PPM1L: variants seen among roughly 807,000 people sequenced by gnomAD.
The protein encoded by PPM1L is protein phosphatase, Mg2+/Mn2+ dependent 1L.
In PPM1L, 13 loss-of-function variants were observed where a neutral mutation model predicts 31.4. That is an observed-to-expected ratio of 0.41 (90% CI 0.27 to 0.66). The LOEUF (loss-of-function observed/expected upper bound fraction) is 0.66. Among genes scored for constraint, PPM1L ranks in the 30% least tolerant of loss-of-function variants. PPM1L has a pLI of 0.29. For missense variants in PPM1L, 326 were observed against 453.7 expected (o/e 0.72, Z 2.56); for synonymous variants, 184 against 175.4 (o/e 1.05, Z -0.39).
intron 1 of PPM1L, among the ~76,000 whole-genome samples, chr3:160,780,270 G>A (rs955888457): frequency 9.9e-5 from 15 of 152,124 alleles, no homozygotes; most frequent in Non-Finnish European, 2.2e-4. Flanking sequence ...CTTGATAAAT[G>A]ATCTCTAGAT....
At chr3:160,961,500 C>G (rs1288560047) in intron 1 of PPM1L, among the ~76,000 whole-genome samples, 2 of 152,206 alleles carry the variant, frequency 1.3e-5, no homozygotes, top group African/African-American at 2.4e-5. Flanking sequence ...CTAACCAAGT[C>G]TATCATCTTT....
chr3:161,040,069 G>T (rs891287278), intron 2 of PPM1L, among the ~76,000 whole-genome samples: 1 of 152,136 alleles, frequency 6.6e-6, no homozygotes, highest in African/African-American at 2.4e-5. Context: ...GAATGGGTTG[G>T]TTATTTCATT....
intron 2 of PPM1L, among the ~76,000 whole-genome samples, chr3:161,031,763 A>G (rs1342907262): frequency 6.6e-6 from 1 of 151,968 alleles, no homozygotes; most frequent in African/African-American, 2.4e-5. Flanking sequence ...CAGCCTCCCA[A>G]CGTGCTGGGA....
rs1338864466 is a variant in PPM1L at position 161,072,386 on chromosome 3, A to G, written c.*3229A>G. On this transcript the variant is annotated 3_prime_UTR_variant, in exon 4 of 4. Coordinates refer to ENST00000498165, the MANE Select transcript of PPM1L (RefSeq NM_139245.4). ...GAGGTATTGGCTTCTTGAATCTTGTATATGTCATAAGAATATTATACAGAG... is the reference window on the plus strand; with the variant it reads ...GAGGTATTGGCTTCTTGAATCTTGTGTATGTCATAAGAATATTATACAGAG... 2.0e-5 allele frequency: 3 copies of G among 152,332 alleles called. No homozygotes were observed. Among genetic ancestry groups the G allele is most frequent in the Non-Finnish European group, 4.4e-5 (3 of 68,044 alleles). 9.4% of individuals were successfully genotyped at this position (152,332 alleles called of 1,614,324 possible).
At chr3:161,065,666 A>G in intron 3 of PPM1L, 102 bp downstream of exon 3, 1 of 1,042,368 alleles carries the variant, frequency 9.6e-7, no homozygotes, top group Admixed American at 2.3e-5. Flanking sequence ...ATGCAGTATT[A>G]GAGAGGCTGC....
At chr3:160,789,314 C>T (rs111277133) in intron 1 of PPM1L, among the ~76,000 whole-genome samples, 2,600 of 151,820 alleles carry the variant, frequency 0.017, 69 homozygotes, top group African/African-American at 0.059. Context: ...TACAGAATTC[C>T]CTTATGGTTT....
At chr3:160,791,935 C>T (rs559621381) in intron 1 of PPM1L, among the ~76,000 whole-genome samples, 1 of 152,110 alleles carries the variant, frequency 6.6e-6, no homozygotes, top group Non-Finnish European at 1.5e-5. Context: ...TAGCCAACAA[C>T]CAGATCTTGA....
chr3:160,903,208 T>TTGTGTGTGTGTGTGTGTG (rs59232471), intron 1 of PPM1L, among the ~76,000 whole-genome samples: 50 of 120,112 alleles, frequency 4.2e-4, no homozygotes, highest in African/African-American at 1.3e-3. Flanking sequence ...GTGTGTATGT[T>TTGTGTGTGTGTGTGTGTG]TGTGTGTGTG....
chr3:160,835,431 T>A (rs1054313271), intron 1 of PPM1L, among the ~76,000 whole-genome samples: 1 of 152,084 alleles, frequency 6.6e-6, no homozygotes, highest in African/African-American at 2.4e-5. Flanking sequence ...ATAACTAAAT[T>A]TTTTTACTTG....
chr3:160,910,660 CTT>C (rs1393497943), intron 1 of PPM1L, among the ~76,000 whole-genome samples: 1 of 152,074 alleles, frequency 6.6e-6, no homozygotes, highest in Admixed American at 6.6e-5. Context: ...CTTTTATTTT[CTT>C]TTCCATTTTA....
intron 1 of PPM1L, among the ~76,000 whole-genome samples, chr3:160,852,499 A>G (rs1418670100): frequency 6.6e-6 from 1 of 152,208 alleles, no homozygotes; most frequent in Non-Finnish European, 1.5e-5. Context: ...TTACATTTGA[A>G]TAATTTATTG....
chr3:160,885,915 C>T (rs998663622), intron 1 of PPM1L, among the ~76,000 whole-genome samples: 1 of 152,198 alleles, frequency 6.6e-6, no homozygotes, highest in African/African-American at 2.4e-5. Flanking sequence ...GGGGCAGCAG[C>T]CAGCACTGGG....
chr3:161,005,299 T>C (rs1200779531), intron 2 of PPM1L, among the ~76,000 whole-genome samples: 1 of 152,190 alleles, frequency 6.6e-6, no homozygotes, highest in Non-Finnish European at 1.5e-5. Flanking sequence ...AGGAAATATT[T>C]CTTGAGTTTT....
At chr3:161,024,456 T>A (rs1234708250) in intron 2 of PPM1L, among the ~76,000 whole-genome samples, 2 of 151,894 alleles carry the variant, frequency 1.3e-5, no homozygotes, top group Non-Finnish European at 2.9e-5. Flanking sequence ...CCCAGCACTT[T>A]GGGAGGCGGA....
At chr3:160,876,080 C>T (rs1021979030) in intron 1 of PPM1L, among the ~76,000 whole-genome samples, 1 of 152,138 alleles carries the variant, frequency 6.6e-6, no homozygotes, top group Non-Finnish European at 1.5e-5. Flanking sequence ...ATCTTGATGA[C>T]CTTGGTGGAA....
chr3:161,037,911 G>T (rs942190498), intron 2 of PPM1L, among the ~76,000 whole-genome samples: 5 of 152,016 alleles, frequency 3.3e-5, no homozygotes, highest in Admixed American at 2.0e-4. Context: ...CATTTCTTCA[G>T]CAAGACTGGG....
chr3:160,894,231 A>G (rs1157790136), intron 1 of PPM1L, among the ~76,000 whole-genome samples: 1 of 152,194 alleles, frequency 6.6e-6, no homozygotes, highest in Non-Finnish European at 1.5e-5. Context: ...ATTTAGATGT[A>G]GATTTAGATT....
chr3:160,856,302 C>T (rs1711701635), intron 1 of PPM1L, among the ~76,000 whole-genome samples: 1 of 152,132 alleles, frequency 6.6e-6, no homozygotes, highest in African/African-American at 2.4e-5. Flanking sequence ...TTAATATTAA[C>T]CATCACATTG....
At chr3:161,049,486 C>T (rs984695574) in intron 2 of PPM1L, among the ~76,000 whole-genome samples, 2 of 152,120 alleles carry the variant, frequency 1.3e-5, no homozygotes, top group African/African-American at 4.8e-5. Flanking sequence ...GCCTCCTTGC[C>T]ACACTCCTAA....
Sources: allele counts gnomAD v4.1 joint callset (sites outside exome capture counted in the v4.1 genomes callset), GRCh38; gene constraint gnomAD v4.1.1; transcripts MANE v1.5; gene names NCBI Gene and HGNC (gene_info 2026-07-23, HGNC 2026-07-21).